Variants in L3MBTL3 observed in about 807,000 individuals in gnomAD.
L3MBTL3 encodes L3MBTL histone methyl-lysine binding protein 3, also known as lethal(3)malignant brain tumor-like protein 3.
A neutral mutation model predicts 102.3 loss-of-function variants in L3MBTL3; 27 were observed. The ratio of observed to expected loss-of-function variants is 0.26; its 90% CI spans 0.19 to 0.36. The LOEUF (loss-of-function observed/expected upper bound fraction) is 0.36, where lower values mean the gene tolerates loss of function less well. Among genes scored for constraint, L3MBTL3 ranks in the 10% least tolerant of loss-of-function variants. The pLI is 1.00. For missense variants in L3MBTL3, 798 were observed against 955.3 expected, an observed-to-expected ratio of 0.84 and a Z score of 2.17; for synonymous variants, 340 against 320.9, an observed-to-expected ratio of 1.06 and a Z score of -0.64.
At chr6:130,103,826 C>T (rs1368789239) in intron 18 of L3MBTL3, among the ~76,000 whole-genome samples, 3 of 152,202 alleles carry the variant, frequency 2.0e-5, no homozygotes, top group Admixed American at 6.5e-5. Context: ...CTCTGTGCAT[C>T]ATTATCCAAG....
chr6:130,061,529 G>T (rs961040352), intron 10 of L3MBTL3, among the ~76,000 whole-genome samples: 2 of 152,204 alleles, frequency 1.3e-5, no homozygotes, highest in Non-Finnish European at 2.9e-5. Flanking sequence ...GAAATAACTG[G>T]ATTCTCTTAC....
Position 130,060,135 on chromosome 6 carries a change from G to A in L3MBTL3, c.859G>A (p.Ala287Thr), listed in dbSNP as rs779894364. The change falls in exon 10 of 23, where the codon GCG becomes ACG. Residue 287 changes from alanine to threonine, a missense_variant. Coordinates refer to ENST00000361794, the MANE Select transcript of L3MBTL3 (RefSeq NM_032438.4). ...HQSVYCVLTVAEVCGYRIKLH... is the reference protein window; with the variant it reads ...HQSVYCVLTVTEVCGYRIKLH... ...GTCTGTGTACTGTGTCCTCACCGTC[G>A]CGGAGGTAAGCTTTGCCTCGTCCTT... 19 of 1,580,582 alleles carry A rather than the reference G, an allele frequency of 1.2e-5. No individual in the cohort carries two copies. The highest frequency in any genetic ancestry group is 9.1e-5 in the East Asian group (4 of 44,052).
chr6:130,093,923 T>C (rs1036545581), intron 17 of L3MBTL3, among the ~76,000 whole-genome samples: 1 of 152,244 alleles, frequency 6.6e-6, no homozygotes, highest in African/African-American at 2.4e-5. Context: ...GCTTTAATTA[T>C]GTTATTTACT....
At chr6:130,057,205 T>A (rs1781564624) in intron 8 of L3MBTL3, among the ~76,000 whole-genome samples, 5 of 152,174 alleles carry the variant, frequency 3.3e-5, no homozygotes, top group Admixed American at 3.3e-4. Flanking sequence ...TCTTCTACCC[T>A]CCTCACTGTA....
intron 7 of L3MBTL3, 102 bp downstream of exon 7, chr6:130,053,093 G>A: frequency 1.2e-6 from 1 of 852,232 alleles, no homozygotes; most frequent in Non-Finnish European, 1.9e-6. Context: ...TCAAATGTGG[G>A]TTCCAGGACT....
rs767263769 is a variant in L3MBTL3, at chr6:130,068,292, G to A, written c.1001-38G>A. On this transcript the variant is annotated intron_variant, in intron 11 of 22. Coordinates refer to ENST00000361794, the MANE Select transcript of L3MBTL3 (RefSeq NM_032438.4). ...TGGAAAACTAAGTGTAAAATATTGT[G>A]GTATTTGAATCAATCTGTTCATATG... 21 of 1,066,026 alleles carry A rather than the reference G, an allele frequency of 2.0e-5. No homozygotes were observed. In the Admixed American group the frequency reaches 2.2e-4, roughly 11 times the overall value. 66.0% of individuals were successfully genotyped at this position (1,066,026 alleles called of 1,614,324 possible). A position where few individuals can be genotyped will look rare whatever the true frequency, so the allele number is the denominator to read the frequency against.
intron 16 of L3MBTL3, among the ~76,000 whole-genome samples, chr6:130,090,066 T>C (rs1179569335): frequency 6.6e-6 from 1 of 152,144 alleles, no homozygotes; most frequent in Non-Finnish European, 1.5e-5. Context: ...ATCACATACT[T>C]TGCTTTTCTT....
chr6:130,019,442 CG>C (rs1044334631), intron 1 of L3MBTL3: 1 of 151,568 alleles, frequency 6.6e-6, no homozygotes, highest in Non-Finnish European at 1.5e-5. Context: ...AGCGAGCGGG[CG>C]GGCGAGCGCG....
intron 14 of L3MBTL3, among the ~76,000 whole-genome samples, chr6:130,079,796 C>G (rs531702651): frequency 6.6e-6 from 1 of 152,264 alleles, no homozygotes; most frequent in East Asian, 1.9e-4. Flanking sequence ...AGTGTCTGAT[C>G]ATTTACTCAC....
At chr6:130,111,276 T>A (rs1043720785) in intron 19 of L3MBTL3, among the ~76,000 whole-genome samples, 1 of 152,212 alleles carries the variant, frequency 6.6e-6, no homozygotes, top group Non-Finnish European at 1.5e-5. Context: ...GAATTTCTTG[T>A]AAATTGCATA....
rs1319441833 is a variant in L3MBTL3 at position 130,068,693 on chromosome 6, T to G, written c.1092+272T>G. Among the ~76,000 whole-genome samples the G allele has an allele frequency of 3.3e-5, 5 of 152,298 alleles. No individual in the cohort carries two copies. The East Asian group carries it at 5.8e-4, about 18-fold the overall frequency. On this transcript the variant is annotated intron_variant, in intron 12 of 22. Transcript: ENST00000361794. ...TTTACAATTAAGATGCATAAAAAATTAAATTGGCTGAGATATTTTATTGTT... is the reference window on the plus strand; with the variant it reads ...TTTACAATTAAGATGCATAAAAAATGAAATTGGCTGAGATATTTTATTGTT...
At chr6:130,082,149 T>C (rs1031261192) in intron 14 of L3MBTL3, among the ~76,000 whole-genome samples, 2 of 152,184 alleles carry the variant, frequency 1.3e-5, no homozygotes, top group African/African-American at 2.4e-5. Flanking sequence ...AAGATGGTGT[T>C]TGCTAGGTTT....
chr6:130,135,783 T>G (rs1166859651), intron 22 of L3MBTL3, among the ~76,000 whole-genome samples: 1 of 152,212 alleles, frequency 6.6e-6, no homozygotes, highest in African/African-American at 2.4e-5. Context: ...TTTGTTAAAT[T>G]CCGACCATGA....
At position 130,133,501 on chromosome 6, in the gene L3MBTL3, C is replaced by T; in HGVS notation, c.2016C>T (p.Val672=). The T allele has an allele frequency of 6.2e-7, 1 of 1,614,176 alleles. No homozygotes were observed. Among genetic ancestry groups the T allele is most frequent in the East Asian group, 2.2e-5 (1 of 44,876 alleles). Residue 672 remains valine, a synonymous_variant, in exon 21 of 23, where the codon GTC becomes GTT. Transcript: ENST00000361794. This position sits in a 1 kb window ranked among gnomAD's most constrained non-coding sequence, Gnocchi z 4.9. The part of the protein sequence containing the change: ...TVQQAQRRSA[V]FLSFKSPIPC... ...AGCAGGCACAGCGTCGGTCAGCTGT[C>T]TTTCTGTCCTTTAAGTCCCCAATTC...
intron 13 of L3MBTL3, among the ~76,000 whole-genome samples, chr6:130,076,511 T>C (rs1160995919): frequency 6.6e-6 from 1 of 152,202 alleles, no homozygotes; most frequent in Non-Finnish European, 1.5e-5. Context: ...ATTTACCGTC[T>C]GAGTCTCATT....
At chr6:130,113,174 T>C (rs1785457967) in intron 19 of L3MBTL3, among the ~76,000 whole-genome samples, 1 of 152,190 alleles carries the variant, frequency 6.6e-6, no homozygotes, top group Non-Finnish European at 1.5e-5. Flanking sequence ...AGATGCTTGT[T>C]AAAAATGTGG....
intron 6 of L3MBTL3, among the ~76,000 whole-genome samples, chr6:130,052,255 C>T (rs565346001): frequency 3.3e-5 from 5 of 151,880 alleles, no homozygotes; most frequent in Non-Finnish European, 5.9e-5. Flanking sequence ...TACAGGCGCA[C>T]GCCACCACAC....
At chr6:130,020,178 TG>T (rs1210234307) in intron 1 of L3MBTL3, among the ~76,000 whole-genome samples, 2 of 149,120 alleles carry the variant, frequency 1.3e-5, no homozygotes, top group Non-Finnish European at 1.5e-5. Flanking sequence ...TCCGGAATAA[TG>T]GGCTTTGCAC....
intron 14 of L3MBTL3, among the ~76,000 whole-genome samples, chr6:130,080,120 G>A (rs1321748320): frequency 2.0e-5 from 3 of 152,072 alleles, no homozygotes; most frequent in African/African-American, 7.2e-5. Flanking sequence ...CAGGTGAGGT[G>A]GCATGCACCT....
Sources: gnomAD v4.1 joint callset for allele counts (sites outside exome capture counted in the v4.1 genomes callset) on GRCh38, gnomAD v4.1.1 for gene constraint, Gnocchi (gnomAD v3.1) non-coding constraint, MANE v1.5 for transcripts, NCBI Gene and HGNC (gene_info 2026-07-23, HGNC 2026-07-21) for gene names.